KIF26B: variants seen among roughly 807,000 people sequenced by gnomAD.
The protein encoded by KIF26B is kinesin-like protein KIF26B.
A neutral mutation model predicts 151.2 loss-of-function variants in KIF26B; 63 were observed. The observed-to-expected ratio is 0.42, with a 90% CI of 0.34 to 0.51. The LOEUF is 0.51. KIF26B is among the 20% of genes least tolerant of loss of function. The probability of loss-of-function intolerance (pLI) is 0.07; values close to 1 mark genes in which losing one functional copy is unlikely to be tolerated. For synonymous variants in KIF26B, 1,357 were observed against 1,262.1 expected, an observed-to-expected ratio of 1.08 and a Z score of -1.59; for missense variants, 2,813 against 2,913.6, an observed-to-expected ratio of 0.97 and a Z score of 0.79.
At chr1:245,190,029 C>G (rs924055396) in intron 2 of KIF26B, among the ~76,000 whole-genome samples, 2 of 152,052 alleles carry the variant, frequency 1.3e-5, no homozygotes, top group Non-Finnish European at 2.9e-5. Flanking sequence ...ATCTCCTCCC[C>G]GGTCCCTCCC....
rs1440133568 is a variant in KIF26B, at chr1:245,524,070, C to T, written c.1167-16697C>T. ...AAATCTTAAAATATATATTGGGAAC[C>T]AGTTAGGAGGAGAGAGAAAAAGACA... On this transcript the variant is annotated intron_variant, in intron 4 of 14. Transcript: ENST00000407071. 2.6e-5 allele frequency among the ~76,000 whole-genome samples: 4 copies of T among 152,138 alleles called. No individual in the cohort carries two copies. In the East Asian group the frequency reaches 7.7e-4, roughly 29 times the overall value.
At chr1:245,336,559 G>T (rs1672237642) in intron 2 of KIF26B, among the ~76,000 whole-genome samples, 2 of 152,194 alleles carry the variant, frequency 1.3e-5, no homozygotes, top group African/African-American at 4.8e-5. Context: ...GTTCTCTCTG[G>T]AATAATGGTT....
At chr1:245,605,476 C>T (rs1297347078) in intron 6 of KIF26B, among the ~76,000 whole-genome samples, 2 of 152,202 alleles carry the variant, frequency 1.3e-5, no homozygotes, top group African/African-American at 4.8e-5. Flanking sequence ...AATCAGCTTC[C>T]TGAAGCTAAA....
At chr1:245,271,465 CCATGTA>C (rs1195481963) in intron 2 of KIF26B, among the ~76,000 whole-genome samples, 3 of 152,006 alleles carry the variant, frequency 2.0e-5, no homozygotes, top group Admixed American at 1.3e-4. Flanking sequence ...GTCTTGTAAT[CCATGTA>C]CATAGGATGT....
chr1:245,266,847 T>G (rs1487640056), intron 2 of KIF26B, among the ~76,000 whole-genome samples: 1 of 152,170 alleles, frequency 6.6e-6, no homozygotes, highest in African/African-American at 2.4e-5. Context: ...GCCTATGACT[T>G]TCTCAGTTCC....
chr1:245,430,196 A>C (rs1658745288), intron 4 of KIF26B, among the ~76,000 whole-genome samples: 1 of 151,894 alleles, frequency 6.6e-6, no homozygotes, highest in African/African-American at 2.4e-5. Context: ...GATTCAGGAA[A>C]AGCAGAGTAG....
chr1:245,638,182 T>C (rs2103178259), intron 9 of KIF26B, among the ~76,000 whole-genome samples: 1 of 152,022 alleles, frequency 6.6e-6, no homozygotes, highest in African/African-American at 2.4e-5. Flanking sequence ...ATTGGTGTTT[T>C]ATAATTTTTC....
intron 9 of KIF26B, among the ~76,000 whole-genome samples, chr1:245,615,574 A>G (rs1342130600): frequency 6.6e-6 from 1 of 152,228 alleles, no homozygotes; most frequent in Non-Finnish European, 1.5e-5. Context: ...AATATTTAAT[A>G]GCCAGCTCAT....
intron 2 of KIF26B, among the ~76,000 whole-genome samples, chr1:245,330,822 T>TCGGGGGAGAGA (rs1482393610): frequency 4.0e-5 from 1 of 25,270 alleles, no homozygotes; most frequent in African/African-American, 1.8e-4. Flanking sequence ...CGGGGGAGAG[T>TCGGGGGAGAGA]CGGGGAGGGA....
At chr1:245,189,777 A>AAGACACACATGAGACTGGGTAATTTAT (rs1669064634) in intron 2 of KIF26B, among the ~76,000 whole-genome samples, 1 of 152,232 alleles carries the variant, frequency 6.6e-6, no homozygotes, top group Non-Finnish European at 1.5e-5. Flanking sequence ...TTTGCTGATA[A>AAGACACACATGAGACTGGGTAATTTAT]AGACACACAT....
chr1:245,534,059 G>C (rs1026328841), intron 4 of KIF26B, among the ~76,000 whole-genome samples: 1 of 152,142 alleles, frequency 6.6e-6, no homozygotes, highest in Non-Finnish European at 1.5e-5. Flanking sequence ...TGGAGAGAAA[G>C]GACTGGCACT....
intron 3 of KIF26B, among the ~76,000 whole-genome samples, chr1:245,377,165 T>C (rs1233206578): frequency 6.6e-6 from 1 of 152,230 alleles, no homozygotes; most frequent in African/African-American, 2.4e-5. Flanking sequence ...CCCACCCGCC[T>C]CAGCCTCCCA....
intron 2 of KIF26B, among the ~76,000 whole-genome samples, chr1:245,336,123 A>AGAGTCCCACGCAGGG (rs1672227406): frequency 1.2e-5 from 1 of 81,810 alleles, no homozygotes; most frequent in African/African-American, 1.1e-4. Flanking sequence ...GCAGGGAAAG[A>AGAGTCCCACGCAGGG]AGAGTCCCAC....
chr1:245,489,414 C>T (rs1219262188), intron 4 of KIF26B, among the ~76,000 whole-genome samples: 1 of 152,182 alleles, frequency 6.6e-6, no homozygotes, highest in African/African-American at 2.4e-5. Flanking sequence ...TAAAATTATG[C>T]AATCCACAGT....
At chr1:245,581,823 G>A (rs1387015534) in intron 5 of KIF26B, among the ~76,000 whole-genome samples, 1 of 152,070 alleles carries the variant, frequency 6.6e-6, no homozygotes, top group African/African-American at 2.4e-5. Context: ...AGGCTGAGGT[G>A]GGAGGATTTC....
chr1:245,310,347 G>A (rs1307079840), intron 2 of KIF26B, among the ~76,000 whole-genome samples: 1 of 152,060 alleles, frequency 6.6e-6, no homozygotes, highest in East Asian at 1.9e-4. Context: ...TCATGGAGTG[G>A]TGGGAGGGTT....
intron 2 of KIF26B, among the ~76,000 whole-genome samples, chr1:245,215,014 C>T (rs537672790): frequency 9.2e-5 from 14 of 152,206 alleles, no homozygotes; most frequent in East Asian, 7.7e-4. Context: ...AGTTGGGCCA[C>T]GGAGAACGGG....
chr1:245,539,802 AC>A (rs1335328799), intron 4 of KIF26B, among the ~76,000 whole-genome samples: 1 of 152,016 alleles, frequency 6.6e-6, no homozygotes, highest in Non-Finnish European at 1.5e-5. Context: ...ACAGGCATGC[AC>A]CACCACACCC....
At chr1:245,530,349 G>C (rs1231585224) in intron 4 of KIF26B, among the ~76,000 whole-genome samples, 1 of 152,200 alleles carries the variant, frequency 6.6e-6, no homozygotes, top group African/African-American at 2.4e-5. Context: ...CCAAAGGATA[G>C]GAGGTCAGTA....
Sources: allele counts gnomAD v4.1 joint callset (sites outside exome capture counted in the v4.1 genomes callset), GRCh38; gene constraint gnomAD v4.1.1; transcripts MANE v1.5; gene names NCBI Gene and HGNC (gene_info 2026-07-23, HGNC 2026-07-21).